VPS13B: variants seen among roughly 807,000 people sequenced by gnomAD.
VPS13B encodes intermembrane lipid transfer protein VPS13B.
VPS13B carries 285 observed loss-of-function variants against 426.4 expected under a neutral mutation model. The observed-to-expected ratio is 0.67, with a 90% CI of 0.61 to 0.74. VPS13B has a LOEUF of 0.74. Ranked by LOEUF, VPS13B falls within the 30% of genes least tolerant of loss-of-function variation. The probability of loss-of-function intolerance (pLI) is 0.00; values close to 1 mark genes in which losing one functional copy is unlikely to be tolerated. For missense variants in VPS13B, 4,537 were observed against 4,782.6 expected, an observed-to-expected ratio of 0.95 and a Z score of 1.51; for synonymous variants, 1,676 against 1,676.4, an observed-to-expected ratio of 1.00 and a Z score of 0.01.
intron 19 of VPS13B, among the ~76,000 whole-genome samples, chr8:99,328,504 G>A (rs922134795): frequency 8.5e-4 from 129 of 152,278 alleles, no homozygotes; most frequent in African/African-American, 2.6e-3. Context: ...GAAAGGTTTA[G>A]TGGGACCTGG....
intron 14 of VPS13B, among the ~76,000 whole-genome samples, chr8:99,152,359 A>G (rs1420032928): frequency 6.6e-6 from 1 of 152,164 alleles, no homozygotes; most frequent in Non-Finnish European, 1.5e-5. Flanking sequence ...TTATGGTCTC[A>G]TAGCAGACAT....
chr8:99,871,423 G>C (rs766515423), intron 60 of VPS13B, 25 bp from the exon 61 acceptor site: 27 of 1,613,988 alleles, frequency 1.7e-5, no homozygotes, highest in Non-Finnish European at 2.1e-5. Context: ...CTGGCCCCTG[G>C]CCTCACTTTT....
intron 35 of VPS13B, among the ~76,000 whole-genome samples, chr8:99,695,759 G>T (rs1025220528): frequency 1.7e-4 from 25 of 151,062 alleles, no homozygotes; most frequent in African/African-American, 4.9e-4. Context: ...GTCCCCACAT[G>T]AAGGAAGGAA....
chr8:99,185,041 C>T (rs562938542), intron 16 of VPS13B, among the ~76,000 whole-genome samples: 3 of 152,014 alleles, frequency 2.0e-5, no homozygotes, highest in Admixed American at 6.6e-5. Context: ...AAAGATACTC[C>T]GATACACTGC....
intron 35 of VPS13B, among the ~76,000 whole-genome samples, chr8:99,682,176 T>A (rs1485622897): frequency 6.6e-6 from 1 of 152,164 alleles, no homozygotes; most frequent in African/African-American, 2.4e-5. Flanking sequence ...CCTAAAATAT[T>A]TAGTGCTGTC....
intron 23 of VPS13B, among the ~76,000 whole-genome samples, chr8:99,448,192 T>C (rs920327578): frequency 7.9e-5 from 12 of 150,986 alleles, no homozygotes; most frequent in Admixed American, 2.0e-4. Context: ...ACTTAATTTA[T>C]TTTGAACTTA....
chr8:99,668,905 A>G (rs960512004), intron 35 of VPS13B, among the ~76,000 whole-genome samples: 4 of 152,148 alleles, frequency 2.6e-5, no homozygotes, highest in African/African-American at 7.2e-5. Flanking sequence ...AATTTGAATC[A>G]TATGATGTGT....
intron 25 of VPS13B, among the ~76,000 whole-genome samples, chr8:99,498,003 A>G (rs745985710): frequency 3.3e-5 from 5 of 152,130 alleles, no homozygotes; most frequent in Non-Finnish European, 5.9e-5. Flanking sequence ...CAGGTTAGAA[A>G]AATGAAGGTT....
In VPS13B at chr8:99,859,370, G is replaced by C; in HGVS notation, c.10934G>C (p.Gly3645Ala). ...AGCCTGGTGAGAAGCATCGGGAACG[G>C]GGTCGCCGACTTCTTCAGGCTTCCG... ...PASLVRSIGN[G>A]VADFFRLPYE... The change falls in exon 57 of 62, where the codon GGG becomes GCG. Residue 3645 changes from glycine to alanine, a missense_variant. This residue lies in a region of VPS13B where 4,311 missense variants were observed against 4,474.3 expected (regional missense o/e 0.96). Coordinates refer to ENST00000357162, the MANE Select transcript of VPS13B (RefSeq NM_152564.5). The C allele has an allele frequency of 6.2e-7, 1 of 1,614,124 alleles. No individual in the cohort carries two copies. Among genetic ancestry groups the C allele is most frequent in the Non-Finnish European group, 8.5e-7 (1 of 1,180,030 alleles).
Position 99,577,550 on chromosome 8 carries a change from C to G in VPS13B, c.5137C>G (p.Leu1713Val), listed in dbSNP as rs187596259. 4.3e-6 allele frequency: 7 copies of G among 1,613,838 alleles called. No homozygotes were observed. In the East Asian group the frequency reaches 1.6e-4, roughly 36 times the overall value. The part of the protein sequence containing the change: ...VNITTNLDFF[L>V]SVAQVQLLHQ... ...TATAACCACAAACCTGGACTTCTTC[C>G]TAAGTGTGGCTCAAGTTCAACTCTT... Residue 1713 changes from leucine (L) to valine (V), a missense_variant, in exon 33 of 62, where the codon CTA (leucine) becomes GTA (valine). Physicochemically the swap from Leu to Val is conservative, Grantham distance 32. Around this residue, in one of 2 missense-constraint regions of VPS13B, gnomAD observed 4,311 missense variants for 4,474.3 expected, o/e 0.96. Coordinates refer to ENST00000357162, the MANE Select transcript of VPS13B (RefSeq NM_152564.5).
chr8:99,602,785 A>G (rs906123433), intron 33 of VPS13B, among the ~76,000 whole-genome samples: 1 of 152,214 alleles, frequency 6.6e-6, no homozygotes, highest in South Asian at 2.1e-4. Flanking sequence ...CACAGTTGCT[A>G]CAAAGAGAAT....
At chr8:99,689,217 A>C (rs1831543595) in intron 35 of VPS13B, among the ~76,000 whole-genome samples, 1 of 152,010 alleles carries the variant, frequency 6.6e-6, no homozygotes. Flanking sequence ...TAAAATACTC[A>C]TCACAACTGG....
At chr8:99,079,410 C>G (rs1845320834) in intron 3 of VPS13B, among the ~76,000 whole-genome samples, 1 of 152,070 alleles carries the variant, frequency 6.6e-6, no homozygotes, top group South Asian at 2.1e-4. Context: ...CCCACCTCCC[C>G]AAAATTGAAT....
intron 19 of VPS13B, among the ~76,000 whole-genome samples, chr8:99,357,582 C>G (rs967386769): frequency 6.6e-6 from 1 of 151,786 alleles, no homozygotes; most frequent in Non-Finnish European, 1.5e-5. Flanking sequence ...TATTTTATTC[C>G]AAAAGGAAAT....
At chr8:99,123,014 G>A (rs918442263) in intron 8 of VPS13B, among the ~76,000 whole-genome samples, 4 of 151,384 alleles carry the variant, frequency 2.6e-5, no homozygotes, top group African/African-American at 7.3e-5. Context: ...CCAGCTACTC[G>A]GGAGGCTAAG....
At chr8:99,136,777 T>G in intron 12 of VPS13B, 25 bp downstream of exon 12, 1 of 1,607,992 alleles carries the variant, frequency 6.2e-7, no homozygotes, top group Non-Finnish European at 8.5e-7. Flanking sequence ...CCTTTATGTG[T>G]GCCATTTCTT....
intron 44 of VPS13B, among the ~76,000 whole-genome samples, chr8:99,813,027 C>CTTGAAAT (rs1813806310): frequency 6.6e-6 from 1 of 152,138 alleles, no homozygotes; most frequent in Admixed American, 6.6e-5. Flanking sequence ...ATAAATTAAT[C>CTTGAAAT]TTGAAATTCT....
chr8:99,361,160 T>A (rs539888795), intron 19 of VPS13B, among the ~76,000 whole-genome samples: 2 of 152,306 alleles, frequency 1.3e-5, no homozygotes, highest in African/African-American at 4.8e-5. Context: ...AAATAATGGC[T>A]GTTACTTGGA....
At position 99,723,290 on chromosome 8, in the gene VPS13B, A is replaced by G. The variant is rs150015037; in HGVS notation, c.7050+2243A>G. Among the ~76,000 whole-genome samples, 53 of 152,352 alleles carry G rather than the reference A, an allele frequency of 3.5e-4. No individual in the cohort carries two copies. The highest frequency in any genetic ancestry group is 3.4e-3 in the Middle Eastern group (1 of 294). On this transcript the variant is annotated intron_variant, in intron 39 of 61. Transcript: ENST00000357162. ...GTGCCTGGCACATAGCAAATGTTAT[A>G]TAAGTATGACTATTACCACTATTAC...
Sources: allele counts gnomAD v4.1 joint callset (sites outside exome capture counted in the v4.1 genomes callset), GRCh38; gene constraint gnomAD v4.1.1; regional missense constraint gnomAD v4.1.1; transcripts MANE v1.5; gene names NCBI Gene and HGNC (gene_info 2026-07-23, HGNC 2026-07-21).